The following CD84 variants were observed in gnomAD, a reference collection of about 807,000 sequenced individuals.
CD84 encodes the protein CD84 molecule.
In CD84, 22 loss-of-function variants were observed where a neutral mutation model predicts 33.8. The observed-to-expected ratio is 0.65, with a 90% CI of 0.46 to 0.93. CD84 has a LOEUF of 0.93. CD84 is among the 40% of genes least tolerant of loss of function. The pLI, the probability that CD84 is intolerant of heterozygous loss-of-function variation, is 0.00. For missense variants in CD84, 400 were observed against 397.6 expected (o/e 1.01, Z -0.05); for synonymous variants, 154 against 145.2 (o/e 1.06, Z -0.44).
chr1:160,572,486 T>G (rs973596964), intron 1 of CD84, among the ~76,000 whole-genome samples: 2 of 152,136 alleles, frequency 1.3e-5, no homozygotes, highest in African/African-American at 4.8e-5. Context: ...GTGTGGATAA[T>G]TATTAAATGC....
chr1:160,548,947 T>A (rs3755898), intron 6 of CD84, among the ~76,000 whole-genome samples: 1 of 152,006 alleles, frequency 6.6e-6, no homozygotes, highest in Non-Finnish European at 1.5e-5. Flanking sequence ...CTTGAGATCC[T>A]GGCACAAATA....
At chr1:160,566,330 A>G (rs889267435) in intron 1 of CD84, among the ~76,000 whole-genome samples, 1 of 152,208 alleles carries the variant, frequency 6.6e-6, no homozygotes, top group African/African-American at 2.4e-5. Flanking sequence ...CCTAGTCTCT[A>G]GAAGAGTGCC....
Position 160,553,549 on chromosome 1 carries a change from G to A in CD84, c.641-52C>T, listed in dbSNP as rs149393374. 4.5e-3 allele frequency: 7,176 copies of A among 1,607,560 alleles called. 24 individuals carry two copies. The highest frequency in any genetic ancestry group is 5.2e-3 in the Non-Finnish European group (6,051 of 1,174,300). On this transcript the variant is annotated intron_variant, in intron 3 of 6. Transcript: ENST00000368054. ...TGATTCTCAGGAAATAGGCCCAAGA[G>A]GCTGGGCAGGTTTGCCCACAGTCAG... is the stretch of plus-strand genomic sequence containing the variant.
chr1:160,561,011 C>T (rs1656920449), intron 2 of CD84, among the ~76,000 whole-genome samples: 1 of 151,856 alleles, frequency 6.6e-6, no homozygotes, highest in Non-Finnish European at 1.5e-5. Context: ...AAATAGCCTA[C>T]CAACCAAAAA....
chr1:160,550,095 T>C, intron 5 of CD84, 116 bp from the exon 6 acceptor site: 1 of 763,944 alleles, frequency 1.3e-6, no homozygotes, highest in Admixed American at 2.0e-5. Flanking sequence ...CTGGGTGGCC[T>C]CCCCTTTGGC....
intron 1 of CD84, among the ~76,000 whole-genome samples, chr1:160,568,168 G>T (rs531397041): frequency 6.6e-6 from 1 of 152,136 alleles, no homozygotes; most frequent in Non-Finnish European, 1.5e-5. Flanking sequence ...ATTTTGCTGG[G>T]TTCTCTCACT....
At position 160,554,901 on chromosome 1, in the gene CD84, C is replaced by A. The variant is rs6675184; in HGVS notation, c.389-755G>T. The stretch of plus-strand genomic sequence containing the variant: ...TAGTGCCCTCTCAGCAAAATAAATT[C>A]TATATAGAATTTACAATAAAGACTA... On this transcript the variant is annotated intron_variant, in intron 2 of 6. Coordinates refer to ENST00000368054, the MANE Select transcript of CD84 (RefSeq NM_003874.4). Among the ~76,000 whole-genome samples the A allele has an allele frequency of 1.5e-3, 220 of 151,532 alleles. 1 individual carries two copies. The highest frequency in any genetic ancestry group is 2.6e-3 in the Non-Finnish European group (175 of 67,930).
At chr1:160,555,777 G>T (rs535397341) in intron 2 of CD84, among the ~76,000 whole-genome samples, 1 of 141,428 alleles carries the variant, frequency 7.1e-6, no homozygotes, top group South Asian at 2.1e-4. Context: ...AACTAGAAAG[G>T]CAATAAATTC....
chr1:160,553,617 C>T (rs1330518566), intron 3 of CD84, 120 bp from the exon 4 acceptor site: 1 of 1,224,522 alleles, frequency 8.2e-7, no homozygotes, highest in East Asian at 2.4e-5. Context: ...AGTGCCAAAG[C>T]TCCTAGGGAA....
rs773845281 is a variant in CD84, at chr1:160,579,430, T to C, written c.8A>G (p.Gln3Arg). The change falls in exon 1 of 7, where the codon CAG becomes CGG. Residue 3 changes from glutamine (Q) to arginine (R), a missense_variant. Gln to Arg is a conservative substitution (Grantham distance 43, BLOSUM62 1). Coordinates refer to ENST00000368054, the MANE Select transcript of CD84 (RefSeq NM_003874.4). MA[Q>R]HHLWILLLCL... ...AAGGAGCAAGATCCATAGGTGGTGC[T>C]GAGCCATCTCTTTCAGGGTCTAACC... The C allele has an allele frequency of 2.5e-6, 4 of 1,613,142 alleles. No homozygotes were observed. Among genetic ancestry groups the C allele is most frequent in the Non-Finnish European group, 3.4e-6 (4 of 1,179,438 alleles).
At chr1:160,553,346 T>A (rs2102138706) in intron 4 of CD84, 32 bp downstream of exon 4, 2 of 1,613,856 alleles carry the variant, frequency 1.2e-6, no homozygotes, top group South Asian at 2.2e-5. Context: ...AGAAGGTGAG[T>A]TTCCACATTT....
chr1:160,577,968 T>G (rs945791799), intron 1 of CD84, among the ~76,000 whole-genome samples: 11 of 152,156 alleles, frequency 7.2e-5, no homozygotes, highest in African/African-American at 2.2e-4. Flanking sequence ...TAGCAGGTAT[T>G]AACCTTTTGA....
Position 160,553,935 on chromosome 1 carries a change from G to A in CD84, c.600C>T (p.Ser200=). The A allele has an allele frequency of 6.2e-7, 1 of 1,614,210 alleles. No individual in the cohort carries two copies. The highest frequency in any genetic ancestry group is 8.5e-7 in the Non-Finnish European group (1 of 1,180,040). The part of the protein sequence containing the change: ...TYTCTAQNPV[S]NNSDSISARQ... ...GGGCAGAGATGGAGTCAGAATTGTT[G>A]CTGACAGGGTTCTGGGCTGTACACG... The change falls in exon 3 of 7, where the codon AGC becomes AGT. Residue 200 remains serine (S), a synonymous_variant. Coordinates refer to ENST00000368054, the MANE Select transcript of CD84 (RefSeq NM_003874.4).
intron 1 of CD84, chr1:160,571,355 G>C (rs1657679112): frequency 6.6e-6 from 1 of 152,054 alleles, no homozygotes; most frequent in East Asian, 1.9e-4. Context: ...GGCACCAATA[G>C]TGGGCCATAT....
At chr1:160,551,198 G>A in intron 4 of CD84, 163 bp from the exon 5 acceptor site, 1 of 633,434 alleles carries the variant, frequency 1.6e-6, no homozygotes, top group South Asian at 1.7e-5. Context: ...TGTCTCAGGA[G>A]TCACTTGGCT....
intron 1 of CD84, chr1:160,571,418 T>TG (rs1384909181): frequency 6.6e-6 from 1 of 152,090 alleles, no homozygotes; most frequent in Non-Finnish European, 1.5e-5. Context: ...TGTCTAATGA[T>TG]TCAGCGTTCA....
In CD84 at chr1:160,542,931, T is replaced by G. The variant is rs1389602050; in HGVS notation, c.*5325A>C. 1.3e-5 allele frequency: 2 copies of G among 152,092 alleles called. No individual in the cohort carries two copies. Among genetic ancestry groups the G allele is most frequent in the African/African-American group, 4.8e-5 (2 of 41,414 alleles). 9.4% of individuals were successfully genotyped at this position (152,092 alleles called of 1,614,324 possible). A position where few individuals can be genotyped will look rare whatever the true frequency, so the allele number is the denominator to read the frequency against. Reference sequence around the variant, plus strand: ...ATGCACAGTTGTTTTTTTTAACCACTAAATTGTTCAGCACAATTCCCCAAA... The same window carrying G: ...ATGCACAGTTGTTTTTTTTAACCACGAAATTGTTCAGCACAATTCCCCAAA... On this transcript the variant is annotated 3_prime_UTR_variant, in exon 7 of 7. Transcript: ENST00000368054.
chr1:160,569,314 C>T (rs1448203045), intron 1 of CD84, among the ~76,000 whole-genome samples: 1 of 151,500 alleles, frequency 6.6e-6, no homozygotes, highest in Non-Finnish European at 1.5e-5. Flanking sequence ...TCAATCAATC[C>T]CAATATTTAT....
intron 1 of CD84, among the ~76,000 whole-genome samples, chr1:160,569,517 T>TACACAC (rs140655590): frequency 6.8e-5 from 10 of 147,866 alleles, no homozygotes; most frequent in African/African-American, 1.0e-4. Flanking sequence ...GGAAATAAGA[T>TACACAC]ACACACACAC....
Sources: gnomAD v4.1 joint callset for allele counts (sites outside exome capture counted in the v4.1 genomes callset) on GRCh38, gnomAD v4.1.1 for gene constraint, MANE v1.5 for transcripts, NCBI Gene and HGNC (gene_info 2026-07-23, HGNC 2026-07-21) for gene names.